The following PARPBP variants were observed in gnomAD, a reference collection of about 807,000 sequenced individuals.
PARPBP encodes the protein PARP1 binding protein.
PARPBP carries 52 observed loss-of-function variants against 50.0 expected under a neutral mutation model. The observed-to-expected ratio is 1.04, with a 90% CI of 0.83 to 1.31. The LOEUF (loss-of-function observed/expected upper bound fraction) is 1.31. PARPBP is among the 50% of genes most tolerant of loss of function. PARPBP has a pLI of 0.00. For synonymous variants in PARPBP, 244 were observed against 232.1 expected (o/e 1.05, Z -0.47); for missense variants, 697 against 672.0 (o/e 1.04, Z -0.41).
intron 1 of PARPBP, among the ~76,000 whole-genome samples, chr12:102,121,698 C>T (rs1455158349): frequency 9.9e-5 from 15 of 151,980 alleles, no homozygotes; most frequent in African/African-American, 3.6e-4. Flanking sequence ...GGGTTAGAGG[C>T]ACACACCACC....
chr12:102,178,484 A>G (rs1331300070), intron 7 of PARPBP, 108 bp from the exon 8 acceptor site: 1 of 579,344 alleles, frequency 1.7e-6, no homozygotes, highest in Non-Finnish European at 2.8e-6. Context: ...ATGTTTTATT[A>G]CTTTAACAAT....
Position 102,178,737 on chromosome 12 carries a change from A to G in PARPBP, c.1151A>G (p.His384Arg), listed in dbSNP as rs1335796858. Residue 384 changes from histidine (H) to arginine (R), a missense_variant, in exon 8 of 11, where the codon CAT becomes CGT. Coordinates refer to ENST00000327680, the MANE Select transcript of PARPBP (RefSeq NM_017915.5). The part of the protein sequence containing the change: ...ELLYDEENTI[H>R]HHGTSILTLF... ...TTATATGATGAGGAAAACACAATCC[A>G]TCATCATGGAACGTCTATTCTTACA... The G allele has an allele frequency of 1.9e-6, 3 of 1,612,348 alleles. No individual in the cohort carries two copies. Among genetic ancestry groups the G allele is most frequent in the Non-Finnish European group, 2.5e-6 (3 of 1,179,018 alleles).
At chr12:102,137,025 G>A (rs1357218515) in intron 2 of PARPBP, among the ~76,000 whole-genome samples, 2 of 151,924 alleles carry the variant, frequency 1.3e-5, no homozygotes, top group South Asian at 2.1e-4. Flanking sequence ...CACAATCTCC[G>A]CTCACTGTAA....
chr12:102,170,906 T>C (rs1888629087), intron 6 of PARPBP, among the ~76,000 whole-genome samples: 2 of 72,490 alleles, frequency 2.8e-5, no homozygotes, highest in South Asian at 4.0e-4. Flanking sequence ...TTAATTTTTC[T>C]TTTTTTTTTT....
chr12:102,164,184 C>T (rs1887885597), intron 4 of PARPBP, among the ~76,000 whole-genome samples: 1 of 152,124 alleles, frequency 6.6e-6, no homozygotes, highest in Non-Finnish European at 1.5e-5. Flanking sequence ...CTTGAGTCTT[C>T]CTTTGCTGCT....
intron 1 of PARPBP, among the ~76,000 whole-genome samples, chr12:102,121,642 C>T (rs1881123583): frequency 6.7e-6 from 1 of 150,196 alleles, no homozygotes; most frequent in Non-Finnish European, 1.5e-5. Flanking sequence ...CAACTTCCGC[C>T]TCCCTGGTTC....
At chr12:102,169,728 T>C (rs1474577572) in intron 6 of PARPBP, among the ~76,000 whole-genome samples, 1 of 152,094 alleles carries the variant, frequency 6.6e-6, no homozygotes, top group Non-Finnish European at 1.5e-5. Flanking sequence ...CCAGAGTGAT[T>C]TTTCTGAAAC....
intron 9 of PARPBP, among the ~76,000 whole-genome samples, chr12:102,191,403 G>T (rs1349009535): frequency 1.3e-5 from 2 of 152,004 alleles, no homozygotes; most frequent in African/African-American, 4.8e-5. Context: ...TAAAATCTCT[G>T]TTCTTTCAAA....
intron 2 of PARPBP, among the ~76,000 whole-genome samples, chr12:102,141,431 CTT>C (rs750763146): frequency 6.6e-5 from 10 of 152,072 alleles, no homozygotes; most frequent in Non-Finnish European, 1.3e-4. Context: ...GGTCTTGACT[CTT>C]TATCCAATTT....
intron 2 of PARPBP, among the ~76,000 whole-genome samples, chr12:102,144,506 A>T (rs767585634): frequency 7.9e-5 from 12 of 152,184 alleles, no homozygotes; most frequent in Non-Finnish European, 1.5e-4. Flanking sequence ...ATGAAAACTG[A>T]TATCTGGAGT....
chr12:102,159,717 T>G (rs1046670595), intron 4 of PARPBP, among the ~76,000 whole-genome samples: 19 of 152,118 alleles, frequency 1.2e-4, no homozygotes, highest in African/African-American at 4.6e-4. Flanking sequence ...CTACTAAGTA[T>G]CTTAGTTTTT....
At chr12:102,144,270 C>T (rs1354589117) in intron 2 of PARPBP, among the ~76,000 whole-genome samples, 10 of 152,160 alleles carry the variant, frequency 6.6e-5, no homozygotes, top group Non-Finnish European at 7.4e-5. Flanking sequence ...AGTACGAATG[C>T]TCTGGAAAAT....
chr12:102,138,243 C>T (rs947258075), intron 2 of PARPBP, among the ~76,000 whole-genome samples: 1 of 152,194 alleles, frequency 6.6e-6, no homozygotes, highest in Non-Finnish European at 1.5e-5. Context: ...ATTTGCATTT[C>T]TCTGATGGCC....
At chr12:102,150,006 G>T (rs775513444) in intron 3 of PARPBP, among the ~76,000 whole-genome samples, 1 of 152,126 alleles carries the variant, frequency 6.6e-6, no homozygotes, top group South Asian at 2.1e-4. Context: ...GTCTTTGGGC[G>T]CATTGTTTTC....
chr12:102,163,550 C>T (rs1044583878), intron 4 of PARPBP, among the ~76,000 whole-genome samples: 2 of 152,168 alleles, frequency 1.3e-5, no homozygotes, highest in East Asian at 3.8e-4. Context: ...CACTTCTCTT[C>T]AGGGATTCCA....
At chr12:102,147,117 G>A (rs540234788) in intron 2 of PARPBP, among the ~76,000 whole-genome samples, 1 of 152,306 alleles carries the variant, frequency 6.6e-6, no homozygotes, top group East Asian at 1.9e-4. Context: ...TACACTGTTG[G>A]TGGGACTGTA....
At chr12:102,146,862 A>C (rs1433064405) in intron 2 of PARPBP, among the ~76,000 whole-genome samples, 1 of 152,110 alleles carries the variant, frequency 6.6e-6, no homozygotes, top group East Asian at 1.9e-4. Flanking sequence ...AACTCAAACA[A>C]ATTTGCAAGA....
chr12:102,196,945 A>G lies in PARPBP; in HGVS notation c.*654A>G, dbSNP rs768941642. 2 of 1,552,138 alleles carry G rather than the reference A, an allele frequency of 1.3e-6. No individual in the cohort carries two copies. The highest frequency in any genetic ancestry group is 1.8e-6 in the Non-Finnish European group (2 of 1,125,756). On this transcript the variant is annotated 3_prime_UTR_variant, in exon 11 of 11. Coordinates refer to ENST00000327680, the MANE Select transcript of PARPBP (RefSeq NM_017915.5). ...TTCTGTTTAATGGTGGTAGGATGTA[A>G]GAATTGAATTTTGAAAAGACTACTC...
chr12:102,125,763 A>G (rs1565847386), intron 2 of PARPBP, among the ~76,000 whole-genome samples: 1 of 152,226 alleles, frequency 6.6e-6, no homozygotes, highest in African/African-American at 2.4e-5. Flanking sequence ...TAAGGCAGAC[A>G]TTATGTAGAG....
Sources: allele counts gnomAD v4.1 joint callset (sites outside exome capture counted in the v4.1 genomes callset), GRCh38; gene constraint gnomAD v4.1.1; transcripts MANE v1.5; gene names NCBI Gene and HGNC (gene_info 2026-07-23, HGNC 2026-07-21).